RAB23: variants seen among roughly 807,000 people sequenced by gnomAD.
RAB23 encodes RAB23, member RAS oncogene family.
Under a neutral mutation model 30.0 loss-of-function variants are expected in RAB23, and 15 were observed. The ratio of observed to expected loss-of-function variants is 0.50; its 90% confidence interval spans 0.33 to 0.77. RAB23 has a LOEUF of 0.77. Ranked by LOEUF, RAB23 falls within the 30% of genes least tolerant of loss-of-function variation. The pLI, the probability that RAB23 is intolerant of heterozygous loss-of-function variation, is 0.02. For missense variants in RAB23, 243 were observed against 275.4 expected, an observed-to-expected ratio of 0.88 and a Z score of 0.83; for synonymous variants, 93 against 94.0, an observed-to-expected ratio of 0.99 and a Z score of 0.06.
chr6:57,199,969 C>T (rs1243396713), intron 3 of RAB23, among the ~76,000 whole-genome samples: 1 of 152,064 alleles, frequency 6.6e-6, no homozygotes, highest in Non-Finnish European at 1.5e-5. Context: ...TGGAAAAATC[C>T]TAATGACCGG....
chr6:57,213,377 T>C (rs1339451934), intron 1 of RAB23, among the ~76,000 whole-genome samples: 1 of 152,148 alleles, frequency 6.6e-6, no homozygotes, highest in Non-Finnish European at 1.5e-5. Flanking sequence ...CTACACAAGA[T>C]GTAGTCTTTA....
At chr6:57,212,588 TA>T (rs1765695434) in intron 1 of RAB23, among the ~76,000 whole-genome samples, 1 of 151,972 alleles carries the variant, frequency 6.6e-6, no homozygotes, top group South Asian at 2.1e-4. Flanking sequence ...TAGATAACTT[TA>T]AAAAATACTT....
At position 57,187,386 on chromosome 6, in the gene RAB23, G is replaced by GACTT. The variant is rs1193675291; in HGVS notation, c.*3071_*3074dup. 1 of 152,128 alleles carries GACTT rather than the reference G, an allele frequency of 6.6e-6. No individual in the cohort carries two copies. Among genetic ancestry groups the GACTT allele is most frequent in the East Asian group, 1.9e-4 (1 of 5,196 alleles). 9.4% of individuals were successfully genotyped at this position (152,128 alleles called of 1,614,324 possible). A position where few individuals can be genotyped will look rare whatever the true frequency, so the allele number is the denominator to read the frequency against. On this transcript the variant is annotated 3_prime_UTR_variant, in exon 7 of 7. Transcript: ENST00000468148. ...AAATGAATTCATCTGTATGATGAGA[G>GACTT]ACTTACATGTTTTATAGCTGAAAAC... is the stretch of plus-strand genomic sequence containing the variant.
At chr6:57,217,389 G>A (rs756112048) in intron 1 of RAB23, among the ~76,000 whole-genome samples, 8 of 152,068 alleles carry the variant, frequency 5.3e-5, no homozygotes, top group Non-Finnish European at 5.9e-5. Flanking sequence ...TCGGCTCACC[G>A]CAACCTCCCC....
intron 1 of RAB23, among the ~76,000 whole-genome samples, chr6:57,211,355 G>A (rs1334767486): frequency 6.6e-6 from 1 of 152,156 alleles, no homozygotes; most frequent in East Asian, 1.9e-4. Context: ...AGCTACACAA[G>A]AGGCTGAGGT....
intron 3 of RAB23, among the ~76,000 whole-genome samples, chr6:57,206,613 G>A (rs1480802201): frequency 3.9e-5 from 6 of 152,060 alleles, no homozygotes; most frequent in Non-Finnish European, 7.4e-5. Context: ...TCAAGGTGCC[G>A]AGGTTTTGGA....
chr6:57,196,738 A>AAGT, intron 3 of RAB23, 132 bp from the exon 4 acceptor site: 2 of 1,062,958 alleles, frequency 1.9e-6, no homozygotes, highest in Non-Finnish European at 2.8e-6. Flanking sequence ...ATGTAAATAA[A>AAGT]TGTTGAACTC....
rs1431669631 is a variant in RAB23, at chr6:57,190,278, T to G, written c.*183A>C. The G allele has an allele frequency of 4.5e-6, 3 of 664,218 alleles. No homozygotes were observed. Among genetic ancestry groups the G allele is most frequent in the African/African-American group, 3.6e-5 (2 of 54,954 alleles). 41.1% of individuals were successfully genotyped at this position (664,218 alleles called of 1,614,324 possible). A position where few individuals can be genotyped will look rare whatever the true frequency, so the allele number is the denominator to read the frequency against. Reference sequence around the variant, plus strand: ...ATTAAAGGAGTCCACAGGGCAATAATTTTTCCACCAGAGGTCTCACTCTAC... The same window carrying G: ...ATTAAAGGAGTCCACAGGGCAATAAGTTTTCCACCAGAGGTCTCACTCTAC... On this transcript the variant is annotated 3_prime_UTR_variant, in exon 7 of 7. Transcript: ENST00000468148.
chr6:57,208,710 T>C (rs1288379120), intron 2 of RAB23, among the ~76,000 whole-genome samples: 1 of 151,390 alleles, frequency 6.6e-6, no homozygotes, highest in Admixed American at 6.6e-5. Context: ...TATTTTGTCA[T>C]ATAGTCAATT....
At chr6:57,221,582 T>C (rs187559006) in intron 1 of RAB23, 144 bp downstream of exon 1, 3 of 152,510 alleles carry the variant, frequency 2.0e-5, no homozygotes, top group Non-Finnish European at 4.4e-5. Context: ...ACGCCCTTAC[T>C]GGTGTCTGGC....
chr6:57,207,662 C>T lies in RAB23; in HGVS notation c.207G>A (p.Glu69=). ...RLMLWDTAGQ[E]EFDAITKAYY... ...AGGCCTTTGTAATTGCATCAAATTC[C>T]TCCTGACCTGCAGTGTCCCATAACA... The change falls in exon 3 of 7, where the codon GAG becomes GAA. Residue 69 remains glutamate (E), a synonymous_variant. Transcript: ENST00000468148. 6.2e-7 allele frequency: 1 copy of T among 1,605,516 alleles called. No individual in the cohort carries two copies. The highest frequency in any genetic ancestry group is 8.5e-7 in the Non-Finnish European group (1 of 1,172,330).
At chr6:57,211,674 T>C (rs1047535276) in intron 1 of RAB23, among the ~76,000 whole-genome samples, 2 of 152,218 alleles carry the variant, frequency 1.3e-5, no homozygotes, top group Non-Finnish European at 1.5e-5. Flanking sequence ...TGGTTTACAA[T>C]GAATCCTGTA....
chr6:57,222,127 G>A lies in RAB23; in HGVS notation c.-467C>T, dbSNP rs1766087518. ...TCCTCCCGACGCGCCAGCTCTCCCT[G>A]CGGGGCCGAGCGGCTAGTTCGCACC... On this transcript the variant is annotated 5_prime_UTR_variant, in exon 1 of 7. Coordinates refer to ENST00000468148, the MANE Select transcript of RAB23 (RefSeq NM_016277.5). 1 of 152,256 alleles carries A rather than the reference G, an allele frequency of 6.6e-6. No individual in the cohort carries two copies. Among genetic ancestry groups the A allele is most frequent in the African/African-American group, 2.4e-5 (1 of 41,466 alleles). The allele number at this position is 152,256 out of a possible 1,614,324, so 9.4% of individuals were successfully genotyped here.
chr6:57,198,325 T>G (rs1765103851), intron 3 of RAB23, among the ~76,000 whole-genome samples: 1 of 152,128 alleles, frequency 6.6e-6, no homozygotes, highest in African/African-American at 2.4e-5. Context: ...CCATCCTGGC[T>G]AACACGGTGA....
intron 3 of RAB23, among the ~76,000 whole-genome samples, chr6:57,199,447 C>T (rs1391582282): frequency 6.6e-6 from 1 of 152,194 alleles, no homozygotes; most frequent in Non-Finnish European, 1.5e-5. Context: ...AATAAACGAG[C>T]CCCACCCATG....
intron 4 of RAB23, among the ~76,000 whole-genome samples, chr6:57,195,840 G>A (rs1765004350): frequency 6.6e-6 from 1 of 152,166 alleles, no homozygotes; most frequent in Non-Finnish European, 1.5e-5. Context: ...TGATATAATA[G>A]ATGTTTGTTG....
At chr6:57,209,555 A>C (rs946098394) in intron 2 of RAB23, among the ~76,000 whole-genome samples, 2 of 152,232 alleles carry the variant, frequency 1.3e-5, no homozygotes, top group African/African-American at 4.8e-5. Flanking sequence ...AAGTTGGGCC[A>C]GTAACCAGGT....
chr6:57,216,946 A>G (rs1765864106), intron 1 of RAB23, among the ~76,000 whole-genome samples: 1 of 152,206 alleles, frequency 6.6e-6, no homozygotes, highest in Non-Finnish European at 1.5e-5. Flanking sequence ...TTGCATGACC[A>G]TCTTGGTTTT....
At chr6:57,208,132 A>G (rs1765514740) in intron 2 of RAB23, among the ~76,000 whole-genome samples, 1 of 152,212 alleles carries the variant, frequency 6.6e-6, no homozygotes, top group African/African-American at 2.4e-5. Context: ...ATCATTATCA[A>G]CAGTGAAAGA....
Sources: allele counts gnomAD v4.1 joint callset (sites outside exome capture counted in the v4.1 genomes callset), GRCh38; gene constraint gnomAD v4.1.1; transcripts MANE v1.5; gene names NCBI Gene and HGNC (gene_info 2026-07-23, HGNC 2026-07-21).